GHR: variants seen among roughly 807,000 people sequenced by gnomAD.
GHR encodes growth hormone receptor.
GHR carries 35 observed loss-of-function variants against 67.1 expected under a neutral mutation model. The ratio of observed to expected loss-of-function variants is 0.52; its 90% CI spans 0.40 to 0.69. The LOEUF is 0.69. Ranked by LOEUF, GHR falls within the 30% of genes least tolerant of loss-of-function variation. The pLI, the probability that GHR is intolerant of heterozygous loss-of-function variation, is 0.00. For missense variants in GHR, 792 were observed against 764.6 expected (o/e 1.04, Z -0.42); for synonymous variants, 272 against 269.1 (o/e 1.01, Z -0.10).
intron 8 of GHR, among the ~76,000 whole-genome samples, chr5:42,715,969 G>A (rs1037766725): frequency 2.6e-5 from 4 of 152,068 alleles, no homozygotes; most frequent in African/African-American, 9.7e-5. Context: ...TTTATGCTCT[G>A]CCACTGTGGC....
intron 1 of GHR, among the ~76,000 whole-genome samples, chr5:42,525,350 G>A (rs188482280): frequency 6.2e-4 from 94 of 152,280 alleles, no homozygotes; most frequent in Middle Eastern, 3.4e-3. Context: ...ACTGCCCTGC[G>A]GCATTTCAGA....
intron 3 of GHR, among the ~76,000 whole-genome samples, chr5:42,668,738 T>A (rs1175298480): frequency 6.6e-6 from 1 of 152,194 alleles, no homozygotes; most frequent in African/African-American, 2.4e-5. Flanking sequence ...GTATTTGTCA[T>A]CTTGGTCATT....
At chr5:42,706,926 T>C (rs1364713138) in intron 6 of GHR, among the ~76,000 whole-genome samples, 1 of 152,060 alleles carries the variant, frequency 6.6e-6, no homozygotes, top group Non-Finnish European at 1.5e-5. Flanking sequence ...TGTGAAAAAT[T>C]ACATTGATAA....
intron 2 of GHR, among the ~76,000 whole-genome samples, chr5:42,606,620 C>A (rs1752642060): frequency 6.6e-6 from 1 of 152,194 alleles, no homozygotes; most frequent in Non-Finnish European, 1.5e-5. Context: ...AGAGATCATT[C>A]TTATGACCCA....
chr5:42,620,463 C>T (rs1002794701), intron 2 of GHR, among the ~76,000 whole-genome samples: 3 of 152,018 alleles, frequency 2.0e-5, no homozygotes, highest in African/African-American at 7.2e-5. Flanking sequence ...AGATAACTAA[C>T]ATATCAGACA....
At chr5:42,517,176 A>G (rs1454812238) in intron 1 of GHR, among the ~76,000 whole-genome samples, 1 of 152,158 alleles carries the variant, frequency 6.6e-6, no homozygotes, top group East Asian at 1.9e-4. Flanking sequence ...AATGACATTT[A>G]CTGTGAGTTT....
chr5:42,666,387 T>G (rs971113402), intron 3 of GHR, among the ~76,000 whole-genome samples: 1 of 152,166 alleles, frequency 6.6e-6, no homozygotes, highest in Admixed American at 6.6e-5. Context: ...CTTACATTAT[T>G]TTTTCCTAAT....
chr5:42,705,907 C>A (rs757271236), intron 6 of GHR, among the ~76,000 whole-genome samples: 1 of 152,084 alleles, frequency 6.6e-6, no homozygotes, highest in Non-Finnish European at 1.5e-5. Flanking sequence ...CAGGTATATA[C>A]CCAATAACGG....
At chr5:42,554,544 T>A (rs1022685201) in intron 1 of GHR, among the ~76,000 whole-genome samples, 33 of 152,288 alleles carry the variant, frequency 2.2e-4, no homozygotes, top group African/African-American at 7.5e-4. Flanking sequence ...GCCTGCCTTG[T>A]GAGTAATAAT....
chr5:42,442,213 C>G (rs1743609047), intron 1 of GHR, among the ~76,000 whole-genome samples: 1 of 152,010 alleles, frequency 6.6e-6, no homozygotes, highest in Non-Finnish European at 1.5e-5. Flanking sequence ...TTGAGGAGGA[C>G]AGAGTAAGTT....
chr5:42,485,155 G>T (rs771039641), intron 1 of GHR, among the ~76,000 whole-genome samples: 8 of 152,170 alleles, frequency 5.3e-5, no homozygotes, highest in African/African-American at 9.7e-5. Context: ...AGCTAAATGA[G>T]ACTCTGTCCC....
At chr5:42,538,222 G>GT (rs1434275188) in intron 1 of GHR, among the ~76,000 whole-genome samples, 2 of 151,984 alleles carry the variant, frequency 1.3e-5, no homozygotes, top group Admixed American at 6.6e-5. Context: ...GTGTACCTTG[G>GT]TTTTTTGTTT....
At chr5:42,435,695 C>T (rs1322201887) in intron 1 of GHR, among the ~76,000 whole-genome samples, 1 of 152,180 alleles carries the variant, frequency 6.6e-6, no homozygotes, top group East Asian at 1.9e-4. Flanking sequence ...CATCCTAATT[C>T]CCCCAGAGCT....
intron 1 of GHR, among the ~76,000 whole-genome samples, chr5:42,540,028 G>A (rs890131456): frequency 2.0e-5 from 3 of 152,110 alleles, no homozygotes; most frequent in African/African-American, 7.2e-5. Context: ...ACAAGTATTA[G>A]CCTATAAATA....
At chr5:42,541,221 C>A (rs185132301) in intron 1 of GHR, among the ~76,000 whole-genome samples, 83 of 152,104 alleles carry the variant, frequency 5.5e-4, no homozygotes, top group African/African-American at 1.9e-3. Flanking sequence ...AAATATATAT[C>A]AAAAATAATT....
intron 2 of GHR, among the ~76,000 whole-genome samples, chr5:42,583,500 C>A (rs138382451): frequency 4.2e-4 from 64 of 152,292 alleles, no homozygotes; most frequent in African/African-American, 1.4e-3. Context: ...CTGGGAACAG[C>A]AGGAAAGTGA....
At chr5:42,599,251 T>G (rs1752237630) in intron 2 of GHR, among the ~76,000 whole-genome samples, 1 of 152,134 alleles carries the variant, frequency 6.6e-6, no homozygotes, top group South Asian at 2.1e-4. Context: ...CTTCTGGAAT[T>G]GGCCTCCTAG....
intron 4 of GHR, among the ~76,000 whole-genome samples, chr5:42,692,931 A>C (rs1757486644): frequency 6.6e-6 from 1 of 152,056 alleles, no homozygotes; most frequent in African/African-American, 2.4e-5. Flanking sequence ...TCTTTAATGC[A>C]CTCTTACTTA....
chr5:42,643,510 A>C (rs1044267363), intron 3 of GHR, among the ~76,000 whole-genome samples: 1 of 152,162 alleles, frequency 6.6e-6, no homozygotes, highest in Non-Finnish European at 1.5e-5. Context: ...TCTAAACACT[A>C]AGATTGTTAA....
Sources: allele counts gnomAD v4.1 joint callset (sites outside exome capture counted in the v4.1 genomes callset), GRCh38; gene constraint gnomAD v4.1.1; transcripts MANE v1.5; gene names NCBI Gene and HGNC (gene_info 2026-07-23, HGNC 2026-07-21).